The following C10orf88 variants were observed in gnomAD, a reference collection of about 807,000 sequenced individuals.
C10orf88 encodes ATPase PAAT.
In C10orf88, 29 loss-of-function variants were observed where a neutral mutation model predicts 34.2. The ratio of observed to expected loss-of-function variants is 0.85; its 90% CI spans 0.63 to 1.16. The LOEUF is 1.16. Among genes scored for constraint, C10orf88 ranks in the 50% most tolerant of loss-of-function variants. The pLI is 0.00. For synonymous variants in C10orf88, 194 were observed against 197.4 expected (o/e 0.98, Z 0.15); for missense variants, 507 against 533.2 (o/e 0.95, Z 0.48).
chr10:122,933,814 C>T (rs998096362), intron 5 of C10orf88, among the ~76,000 whole-genome samples: 6 of 152,154 alleles, frequency 3.9e-5, no homozygotes, highest in African/African-American at 1.4e-4. Context: ...CATGATAATG[C>T]AGCCAAAAGC....
intron 5 of C10orf88, 38 bp downstream of exon 5, chr10:122,937,667 A>G: frequency 6.7e-7 from 1 of 1,484,310 alleles, no homozygotes; most frequent in South Asian, 1.3e-5. Flanking sequence ...TCTTCCACCT[A>G]CCAAATCGAA....
At chr10:122,939,456 C>A (rs1355872938) in intron 4 of C10orf88, among the ~76,000 whole-genome samples, 1 of 151,698 alleles carries the variant, frequency 6.6e-6, no homozygotes, top group African/African-American at 2.4e-5. Context: ...ATAATAAGGG[C>A]CAGGGAAGCT....
intron 2 of C10orf88, among the ~76,000 whole-genome samples, chr10:122,952,458 G>T (rs1232519664): frequency 3.9e-5 from 6 of 152,216 alleles, no homozygotes; most frequent in Non-Finnish European, 8.8e-5. Context: ...CTTCCAAGAA[G>T]AAAATGTATT....
intron 1 of C10orf88, among the ~76,000 whole-genome samples, chr10:122,953,279 G>A (rs1848710433): frequency 6.6e-6 from 1 of 152,010 alleles, no homozygotes. Context: ...GGGTTTCGCC[G>A]TGTTAGCCAG....
At chr10:122,935,915 T>G (rs1048222382) in intron 5 of C10orf88, among the ~76,000 whole-genome samples, 2 of 151,872 alleles carry the variant, frequency 1.3e-5, no homozygotes, top group African/African-American at 4.8e-5. Flanking sequence ...TATATTTACA[T>G]GCATTTTTGT....
rs533904294 is a variant in C10orf88, at chr10:122,946,846, C to T, written c.648+1803G>A. On this transcript the variant is annotated intron_variant, in intron 4 of 5. Transcript: ENST00000481909. ...TGGCCACAGAGAACAGTTATGAGTG[C>T]AAAGGTCTGGAGGTGGGAACATATC... Among the ~76,000 whole-genome samples, 23 of 152,004 alleles carry T rather than the reference C, an allele frequency of 1.5e-4. 1 individual carries two copies. The South Asian group carries it at 4.8e-3, about 32-fold the overall frequency.
intron 4 of C10orf88, 78 bp from the exon 5 acceptor site, chr10:122,938,237 C>G: frequency 1.7e-6 from 2 of 1,167,570 alleles, no homozygotes; most frequent in Non-Finnish European, 2.4e-6. Context: ...ATGAGTCAGG[C>G]ACTGTGCATT....
intron 4 of C10orf88, among the ~76,000 whole-genome samples, chr10:122,943,384 T>G (rs1406086990): frequency 1.8e-4 from 27 of 150,962 alleles, no homozygotes; most frequent in Admixed American, 5.3e-4. Flanking sequence ...CAAGATGGAT[T>G]AAAGACTTAA....
rs991686887 is a variant in C10orf88, at chr10:122,943,010, A to C, written c.649-4851T>G. On this transcript the variant is annotated intron_variant, in intron 4 of 5. Coordinates refer to ENST00000481909, the MANE Select transcript of C10orf88 (RefSeq NM_024942.4). ...AGCTACCAATGACTTTCTTCACAGA[A>C]TTGGAAAAACTATTTTAAAGTTCAT... Among the ~76,000 whole-genome samples, 190 of 151,588 alleles carry C rather than the reference A, an allele frequency of 1.3e-3. 6 individuals carry two copies. The highest frequency in any genetic ancestry group is 4.5e-3 in the African/African-American group (185 of 40,948).
intron 4 of C10orf88, among the ~76,000 whole-genome samples, chr10:122,939,043 C>T (rs1848560484): frequency 6.6e-6 from 1 of 151,930 alleles, no homozygotes; most frequent in Admixed American, 6.6e-5. Context: ...ACTGAAAAAG[C>T]AATATGTAAA....
intron 4 of C10orf88, among the ~76,000 whole-genome samples, chr10:122,944,609 G>A (rs1021222307): frequency 6.6e-6 from 1 of 151,894 alleles, no homozygotes; most frequent in Non-Finnish European, 1.5e-5. Context: ...CTGATTCCTG[G>A]ACCCCACCCT....
Position 122,937,852 on chromosome 10 carries a change from T to G in C10orf88, c.956A>C (p.Lys319Thr). 3 of 1,613,378 alleles carry G rather than the reference T, an allele frequency of 1.9e-6. No individual in the cohort carries two copies. Among genetic ancestry groups the G allele is most frequent in the Non-Finnish European group, 2.5e-6 (3 of 1,179,478 alleles). Reference protein sequence around the residue: ...KNAMASFLPKKVSDNSNIPNS... With the variant: ...KNAMASFLPKTVSDNSNIPNS... ...GGGTATATTTGAGTTGTCACTTACTTTCTTTGGTAAGAAAGAGGCCATTGC... is the reference window on the plus strand; with the variant it reads ...GGGTATATTTGAGTTGTCACTTACTGTCTTTGGTAAGAAAGAGGCCATTGC... Residue 319 changes from lysine to threonine, a missense_variant, in exon 5 of 6, where the codon AAA (lysine) becomes ACA (threonine). Transcript: ENST00000481909.
At chr10:122,952,443 A>G (rs1848698908) in intron 2 of C10orf88, among the ~76,000 whole-genome samples, 1 of 152,232 alleles carries the variant, frequency 6.6e-6, no homozygotes, top group Admixed American at 6.5e-5. Flanking sequence ...ACCATTTCTA[A>G]TAGGCTTCCA....
chr10:122,951,346 C>G (rs1203166085), intron 3 of C10orf88, among the ~76,000 whole-genome samples: 1 of 152,020 alleles, frequency 6.6e-6, no homozygotes. Context: ...ATACATTATC[C>G]AAGGTTAATA....
intron 1 of C10orf88, 73 bp downstream of exon 1, chr10:122,953,942 C>A: frequency 7.1e-7 from 1 of 1,407,072 alleles, no homozygotes; most frequent in South Asian, 1.5e-5. Flanking sequence ...ACCCTCTCGC[C>A]TCCCCTCACA....
Position 122,932,622 on chromosome 10 carries a change from A to G in C10orf88, c.1143T>C (p.Ile381=). The change falls in exon 6 of 6, where the codon ATT becomes ATC. Residue 381 remains isoleucine (I), a synonymous_variant. Transcript: ENST00000481909. ...EQSICSYLEK[I]LSKNMELMEK... ...CCATCAGTTCCATATTTTTAGAAAG[A>G]ATCTTTTCCAAGTAGGAGCAAATAG... 1.2e-6 allele frequency: 2 copies of G among 1,613,044 alleles called. No individual in the cohort carries two copies. The highest frequency in any genetic ancestry group is 1.7e-6 in the Non-Finnish European group (2 of 1,179,576).
At chr10:122,935,834 T>C (rs959719268) in intron 5 of C10orf88, among the ~76,000 whole-genome samples, 3 of 151,738 alleles carry the variant, frequency 2.0e-5, no homozygotes, top group African/African-American at 7.2e-5. Flanking sequence ...CATATCCTTA[T>C]ATATTTTGTT....
chr10:122,943,122 T>C (rs1848602163), intron 4 of C10orf88, among the ~76,000 whole-genome samples: 1 of 151,182 alleles, frequency 6.6e-6, no homozygotes, highest in Admixed American at 6.6e-5. Context: ...GACTTCAAAC[T>C]ATACTACAAG....
rs1369864940 is a variant in C10orf88 at position 122,938,016 on chromosome 10, T to G, written c.792A>C (p.Thr264=). Residue 264 remains threonine (T), a synonymous_variant, in exon 5 of 6, where the codon ACA becomes ACC. Transcript: ENST00000481909. The part of the protein sequence containing the change: ...STPFPFRTGL[T]SGNVTENLQT... ...GTAAGTTTTCAGTCACGTTCCCAGA[T>G]GTCAATCCAGTTCTAAAAGGAAAAG... 3.1e-6 allele frequency: 5 copies of G among 1,613,448 alleles called. No homozygotes were observed. Among genetic ancestry groups the G allele is most frequent in the Non-Finnish European group, 4.2e-6 (5 of 1,179,536 alleles).
Sources: gnomAD v4.1 joint callset for allele counts (sites outside exome capture counted in the v4.1 genomes callset) on GRCh38, gnomAD v4.1.1 for gene constraint, MANE v1.5 for transcripts, NCBI Gene and HGNC (gene_info 2026-07-23, HGNC 2026-07-21) for gene names.